SLC17A8: variants seen among roughly 807,000 people sequenced by gnomAD.
SLC17A8 encodes the protein vesicular glutamate transporter 3.
Under a neutral mutation model 58.0 loss-of-function variants are expected in SLC17A8, and 31 were observed. That is an observed-to-expected ratio of 0.53 (90% CI 0.40 to 0.72). The LOEUF (loss-of-function observed/expected upper bound fraction) is 0.72, where lower values mean the gene tolerates loss of function less well. Ranked by LOEUF, SLC17A8 falls within the 30% of genes least tolerant of loss-of-function variation. The probability of loss-of-function intolerance (pLI) is 0.00; values close to 1 mark genes in which losing one functional copy is unlikely to be tolerated. For missense variants in SLC17A8, 655 were observed against 727.8 expected, an observed-to-expected ratio of 0.90 and a Z score of 1.15; for synonymous variants, 228 against 249.0, an observed-to-expected ratio of 0.92 and a Z score of 0.79.
Position 100,396,329 on chromosome 12 carries a change from G to C in SLC17A8, c.589-1G>C. 1 of 1,613,682 alleles carries C rather than the reference G, an allele frequency of 6.2e-7. No individual in the cohort carries two copies. Among genetic ancestry groups the C allele is most frequent in the Non-Finnish European group, 8.5e-7 (1 of 1,179,588 alleles). ...TAATCTATTTTCAACTCTTCTGCCA[G>C]GGTGTGACCTACCCAGCCTGCCATG... On this transcript the variant is annotated splice_acceptor_variant, in intron 4 of 11. Transcript: ENST00000323346. LOFTEE classifies it high-confidence loss of function.
intron 1 of SLC17A8, 75 bp from the exon 2 acceptor site, chr12:100,380,626 T>A: frequency 1.9e-6 from 3 of 1,575,358 alleles, no homozygotes; most frequent in Non-Finnish European, 2.6e-6. Context: ...GGTACCTTTT[T>A]TCTTTTTGCT....
In SLC17A8 at chr12:100,366,780, A is replaced by G. The variant is rs564177821; in HGVS notation, c.101+9288A>G. Among the ~76,000 whole-genome samples, 11 of 152,300 alleles carry G rather than the reference A, an allele frequency of 7.2e-5. No individual in the cohort carries two copies. In the East Asian group the frequency reaches 1.2e-3, roughly 16 times the overall value. On this transcript the variant is annotated intron_variant, in intron 1 of 11. Coordinates refer to ENST00000323346, the MANE Select transcript of SLC17A8 (RefSeq NM_139319.3). ...CTCTTTATCTTTTCTGGTTTTATGT[A>G]TATGAAGCAATACCCTTATTGGCTG...
chr12:100,388,665 T>C (rs1952692937), intron 2 of SLC17A8, among the ~76,000 whole-genome samples: 1 of 152,196 alleles, frequency 6.6e-6, no homozygotes, highest in Admixed American at 6.5e-5. Context: ...AGGACGAACG[T>C]TGAACAGATG....
chr12:100,384,890 T>A (rs1225484470), intron 2 of SLC17A8, among the ~76,000 whole-genome samples: 1 of 152,196 alleles, frequency 6.6e-6, no homozygotes, highest in Non-Finnish European at 1.5e-5. Flanking sequence ...TTGGCTTTTC[T>A]TGGAGTCAGC....
At chr12:100,364,843 C>T (rs1412148465) in intron 1 of SLC17A8, among the ~76,000 whole-genome samples, 3 of 152,246 alleles carry the variant, frequency 2.0e-5, no homozygotes, top group Non-Finnish European at 4.4e-5. Flanking sequence ...GCTCAAAACT[C>T]TGCCTATTGG....
chr12:100,393,275 CT>C (rs1952729346), intron 3 of SLC17A8, 93 bp from the exon 4 acceptor site: 1 of 836,656 alleles, frequency 1.2e-6, no homozygotes, highest in Non-Finnish European at 2.0e-6. Flanking sequence ...CCACAGGGAT[CT>C]TTCATGAACT....
chr12:100,404,216 G>C (rs1323286864), intron 9 of SLC17A8, 46 bp downstream of exon 9: 3 of 1,611,954 alleles, frequency 1.9e-6, no homozygotes, highest in Admixed American at 3.3e-5. Context: ...TGTAGAATTA[G>C]GGTAAACTGA....
At position 100,393,421 on chromosome 12, in the gene SLC17A8, T is replaced by A; in HGVS notation, c.526T>A (p.Ser176Thr). The stretch of plus-strand genomic sequence containing the variant: ...ATCGACTCTGAACATGTTTATTCCC[T>A]CTGCAGCCAGAGTGCATTACGGATG... ...LTSTLNMFIPSAARVHYGCVM... is the reference protein window; with the variant it reads ...LTSTLNMFIPTAARVHYGCVM... Residue 176 changes from serine to threonine, a missense_variant, in exon 4 of 12, where the codon TCT becomes ACT. Physicochemically the swap from Ser to Thr is moderately conservative, Grantham distance 58. Coordinates refer to ENST00000323346, the MANE Select transcript of SLC17A8 (RefSeq NM_139319.3). The A allele has an allele frequency of 1.2e-6, 2 of 1,613,970 alleles. No individual in the cohort carries two copies. The highest frequency in any genetic ancestry group is 1.7e-6 in the Non-Finnish European group (2 of 1,179,854).
intron 10 of SLC17A8, among the ~76,000 whole-genome samples, chr12:100,415,359 G>C (rs1309909438): frequency 2.0e-5 from 3 of 151,604 alleles, no homozygotes; most frequent in African/African-American, 7.3e-5. Flanking sequence ...CCAGCTACTG[G>C]GGAGGCTGAG....
At chr12:100,391,552 G>A (rs1300183112) in intron 3 of SLC17A8, among the ~76,000 whole-genome samples, 3 of 152,124 alleles carry the variant, frequency 2.0e-5, no homozygotes, top group Non-Finnish European at 1.5e-5. Context: ...TGATCCACCC[G>A]CCTTAGCCTC....
At chr12:100,415,086 CG>C (rs972263740) in intron 10 of SLC17A8, among the ~76,000 whole-genome samples, 12 of 152,176 alleles carry the variant, frequency 7.9e-5, no homozygotes, top group African/African-American at 2.9e-4. Context: ...TCCTTTCCCC[CG>C]ATTGCCAATT....
intron 1 of SLC17A8, among the ~76,000 whole-genome samples, chr12:100,361,271 G>T (rs775983198): frequency 6.6e-6 from 1 of 152,182 alleles, no homozygotes; most frequent in Non-Finnish European, 1.5e-5. Context: ...CTTTTGGAAG[G>T]CTCTCTGAGT....
chr12:100,365,523 A>G (rs1952514056), intron 1 of SLC17A8, among the ~76,000 whole-genome samples: 1 of 152,190 alleles, frequency 6.6e-6, no homozygotes, highest in Non-Finnish European at 1.5e-5. Flanking sequence ...ATGTCATGGA[A>G]TAAGTGGGTT....
At chr12:100,386,046 A>G (rs1183023254) in intron 2 of SLC17A8, among the ~76,000 whole-genome samples, 1 of 152,150 alleles carries the variant, frequency 6.6e-6, no homozygotes, top group African/African-American at 2.4e-5. Context: ...TCTTTCTCCT[A>G]TAAGGACACT....
chr12:100,392,347 T>C (rs184544246), intron 3 of SLC17A8, among the ~76,000 whole-genome samples: 78 of 152,220 alleles, frequency 5.1e-4, no homozygotes, highest in African/African-American at 1.8e-3. Flanking sequence ...GCATTGCACA[T>C]AAGGGTAAAT....
At chr12:100,381,956 T>A (rs1004965351) in intron 2 of SLC17A8, among the ~76,000 whole-genome samples, 1 of 152,340 alleles carries the variant, frequency 6.6e-6, no homozygotes, top group East Asian at 1.9e-4. Context: ...TGGGACACAG[T>A]CATAGGTACT....
chr12:100,390,635 A>G (rs1952708838), intron 2 of SLC17A8, among the ~76,000 whole-genome samples: 1 of 151,878 alleles, frequency 6.6e-6, no homozygotes, highest in East Asian at 1.9e-4. Flanking sequence ...GGTGTGAGCC[A>G]CCGCACCCGG....
chr12:100,371,562 C>T (rs746490857), intron 1 of SLC17A8, among the ~76,000 whole-genome samples: 2 of 152,000 alleles, frequency 1.3e-5, no homozygotes, highest in Non-Finnish European at 2.9e-5. Flanking sequence ...GTTTTCTTTT[C>T]TTTTGTTTTG....
chr12:100,411,322 A>C lies in SLC17A8; in HGVS notation c.1187-1448A>C, dbSNP rs140757536. Among the ~76,000 whole-genome samples the C allele has an allele frequency of 6.0e-3, 907 of 152,194 alleles. 9 individuals are homozygous for C. Among genetic ancestry groups the C allele is most frequent in the African/African-American group, 0.021 (876 of 41,514 alleles). ...ATGGTGAAACCCCAACTCTACTAAA[A>C]ATACAAAATTAGCTGGGCGTGGTAG... is the stretch of plus-strand genomic sequence containing the variant. On this transcript the variant is annotated intron_variant, in intron 9 of 11. Transcript: ENST00000323346.
Sources: allele counts gnomAD v4.1 joint callset (sites outside exome capture counted in the v4.1 genomes callset), GRCh38; gene constraint gnomAD v4.1.1; transcripts MANE v1.5; gene names NCBI Gene and HGNC (gene_info 2026-07-23, HGNC 2026-07-21).